CLUL1: variants seen among roughly 807,000 people sequenced by gnomAD.
CLUL1 encodes clusterin-like protein 1.
A neutral mutation model predicts 49.4 loss-of-function variants in CLUL1; 43 were observed. The observed-to-expected ratio is 0.87, with a 90% CI of 0.68 to 1.12. CLUL1 has a LOEUF of 1.12. CLUL1 is among the 50% of genes most tolerant of loss of function. The pLI is 0.00. For synonymous variants in CLUL1, 192 were observed against 184.9 expected, an observed-to-expected ratio of 1.04 and a Z score of -0.31; for missense variants, 486 against 544.4, an observed-to-expected ratio of 0.89 and a Z score of 1.07.
At chr18:626,777 C>G (rs969219583) in intron 5 of CLUL1, among the ~76,000 whole-genome samples, 4 of 148,830 alleles carry the variant, frequency 2.7e-5, no homozygotes, top group Admixed American at 7.0e-5. Flanking sequence ...AGAAGAATCA[C>G]TTGAACCCAG....
chr18:643,399 A>T (rs951333894), intron 8 of CLUL1, among the ~76,000 whole-genome samples: 1 of 152,252 alleles, frequency 6.6e-6, no homozygotes, highest in African/African-American at 2.4e-5. Context: ...TGAGGAAGGT[A>T]AAATAATTCA....
At chr18:645,708 G>C (rs1350546547) in intron 9 of CLUL1, among the ~76,000 whole-genome samples, 1 of 146,508 alleles carries the variant, frequency 6.8e-6, no homozygotes, top group African/African-American at 2.5e-5. Flanking sequence ...GCAGGAGAAT[G>C]GCGTGAACCC....
At chr18:604,790 A>G (rs1210363299) in intron 1 of CLUL1, among the ~76,000 whole-genome samples, 1 of 152,208 alleles carries the variant, frequency 6.6e-6, no homozygotes, top group East Asian at 1.9e-4. Flanking sequence ...CTCTCAGGAA[A>G]GAGTGGGGTC....
chr18:631,437 G>A (rs1311131992), intron 6 of CLUL1, among the ~76,000 whole-genome samples: 1 of 152,132 alleles, frequency 6.6e-6, no homozygotes, highest in African/African-American at 2.4e-5. Context: ...ATTTTCGCGT[G>A]GGAGAAACAG....
intron 1 of CLUL1, among the ~76,000 whole-genome samples, chr18:601,947 G>A (rs114393863): frequency 0.033 from 5,039 of 152,236 alleles, 320 homozygotes; most frequent in African/African-American, 0.11. Flanking sequence ...AGGGTCAGGC[G>A]TGGTGGCTCA....
intron 5 of CLUL1, among the ~76,000 whole-genome samples, chr18:626,446 A>C (rs2073700554): frequency 6.6e-6 from 1 of 152,172 alleles, no homozygotes; most frequent in East Asian, 1.9e-4. Flanking sequence ...AGGCAAAGGC[A>C]AAGTCAGGTA....
chr18:638,859 G>A lies in CLUL1; in HGVS notation c.995-2468G>A, dbSNP rs529859684. ...GGTGACAGAGCGAGACTTTGTCTCA[G>A]GAAAAAAAAAAAATTCTCAGTCACC... is the stretch of plus-strand genomic sequence containing the variant. On this transcript the variant is annotated intron_variant, in intron 7 of 9. Coordinates refer to ENST00000692774, the MANE Select transcript of CLUL1 (RefSeq NM_001393344.1). 6.0e-5 allele frequency among the ~76,000 whole-genome samples: 8 copies of A among 133,508 alleles called. 1 individual carries two copies. The South Asian group carries it at 1.8e-3, about 30-fold the overall frequency. 87.6% of individuals were successfully genotyped at this position (133,508 alleles called of 152,430 possible).
chr18:649,301 C>A (rs1019469228), intron 9 of CLUL1, among the ~76,000 whole-genome samples: 1 of 152,112 alleles, frequency 6.6e-6, no homozygotes. Context: ...ACATGAATTC[C>A]AATTTTATAA....
At chr18:645,167 A>C in intron 9 of CLUL1, 70 bp downstream of exon 9, 1 of 1,237,904 alleles carries the variant, frequency 8.1e-7, no homozygotes, top group Non-Finnish European at 1.1e-6. Context: ...GAAAAACAAA[A>C]CTTGTTTCCA....
intron 9 of CLUL1, chr18:645,304 G>A (rs1224060554): frequency 1.4e-5 from 6 of 444,310 alleles, no homozygotes; most frequent in Admixed American, 4.2e-5. Flanking sequence ...GTGATGAAAT[G>A]GGAATTCTCA....
chr18:625,518 A>AACACACACACAC (rs3221054), intron 5 of CLUL1, among the ~76,000 whole-genome samples: 144 of 144,718 alleles, frequency 1.0e-3, no homozygotes, highest in African/African-American at 2.7e-3. Flanking sequence ...CCTTATGCAT[A>AACACACACACAC]ACACACACAC....
At chr18:649,182 G>A (rs980220997) in intron 9 of CLUL1, among the ~76,000 whole-genome samples, 5 of 152,080 alleles carry the variant, frequency 3.3e-5, no homozygotes, top group African/African-American at 1.2e-4. Flanking sequence ...TAAAGAGAAA[G>A]ATACTAAGGG....
In CLUL1 at chr18:618,172, G is replaced by A. The variant is rs2073365052; in HGVS notation, c.106+66G>A. ...GTTGGTTGTCCTGCTGGCGTTTATA[G>A]TGAGTCGCAGTTGAGAGATAACCAT... On this transcript the variant is annotated intron_variant, in intron 3 of 9. Coordinates refer to ENST00000692774, the MANE Select transcript of CLUL1 (RefSeq NM_001393344.1). The surrounding 1 kb of genome is among the most constrained non-coding windows in gnomAD (Gnocchi z 4.2). The A allele has an allele frequency of 8.5e-7, 1 of 1,173,366 alleles. No homozygotes were observed. The highest frequency in any genetic ancestry group is 2.4e-5 in the East Asian group (1 of 42,466). The allele number at this position is 1,173,366 out of a possible 1,614,324, so 72.7% of individuals were successfully genotyped here.
chr18:647,628 G>A (rs560561443), intron 9 of CLUL1, among the ~76,000 whole-genome samples: 1 of 152,300 alleles, frequency 6.6e-6, no homozygotes, highest in South Asian at 2.1e-4. Context: ...GCTGGGACAT[G>A]TGTGTCTACC....
intron 1 of CLUL1, among the ~76,000 whole-genome samples, chr18:605,022 G>C (rs552464131): frequency 1.3e-5 from 2 of 152,152 alleles, no homozygotes; most frequent in East Asian, 3.9e-4. Flanking sequence ...GAGGTTCTCC[G>C]GGGACCCTTC....
At chr18:617,679 A>G (rs2073339297) in intron 2 of CLUL1, among the ~76,000 whole-genome samples, 1 of 151,794 alleles carries the variant, frequency 6.6e-6, no homozygotes. Flanking sequence ...CGAGATGTTT[A>G]CAAAATGAAG....
chr18:641,414 TC>T lies in CLUL1; in HGVS notation c.1084del (p.Gln362ArgfsTer2). 6.2e-7 allele frequency: 1 copy of T among 1,614,190 alleles called. No homozygotes were observed. The highest frequency in any genetic ancestry group is 1.1e-5 in the South Asian group (1 of 91,088). Reference protein sequence around the residue: ...NVSNQQYGQILQMTRKHLEDT... With the variant: ...NVSNQQYGQIXQMTRKHLEDT... ...TCCAATCAGCAGTATGGCCAGATTC[TC>T]CAGATGACCCGGAAGCACTTGGAGG... is the stretch of plus-strand genomic sequence containing the variant. On this transcript the variant is annotated frameshift_variant, in exon 8 of 10. Transcript: ENST00000692774. LOFTEE classifies it high-confidence loss of function.
chr18:632,841 C>T (rs932051542), intron 6 of CLUL1, among the ~76,000 whole-genome samples: 4 of 152,152 alleles, frequency 2.6e-5, no homozygotes, highest in Non-Finnish European at 4.4e-5. Flanking sequence ...ATTGCACCAA[C>T]GTGCATTTCT....
intron 1 of CLUL1, among the ~76,000 whole-genome samples, chr18:600,432 C>T (rs916512193): frequency 2.6e-5 from 4 of 152,152 alleles, no homozygotes; most frequent in Admixed American, 2.0e-4. Context: ...ACCATTTTCT[C>T]GCTTAGCACA....
Sources: gnomAD v4.1 joint callset for allele counts (sites outside exome capture counted in the v4.1 genomes callset) on GRCh38, gnomAD v4.1.1 for gene constraint, Gnocchi (gnomAD v3.1) non-coding constraint, MANE v1.5 for transcripts, NCBI Gene and HGNC (gene_info 2026-07-23, HGNC 2026-07-21) for gene names.